Variants in POC1B observed in about 807,000 individuals in gnomAD.
The protein encoded by POC1B is POC1 centriolar protein B, also known as POC1 centriolar protein homolog B.
POC1B carries 44 observed loss-of-function variants against 60.6 expected under a neutral mutation model. That is an observed-to-expected ratio of 0.73 (90% confidence interval 0.57 to 0.93). The LOEUF (loss-of-function observed/expected upper bound fraction) is 0.93. Among genes scored for constraint, POC1B ranks in the 40% least tolerant of loss-of-function variants. The probability of loss-of-function intolerance (pLI) is 0.00; values close to 1 mark genes in which losing one functional copy is unlikely to be tolerated. For synonymous variants in POC1B, 180 were observed against 198.9 expected (o/e 0.90, Z 0.80); for missense variants, 555 against 572.3 (o/e 0.97, Z 0.31).
intron 2 of POC1B, among the ~76,000 whole-genome samples, chr12:89,512,962 G>A (rs1870258595): frequency 6.6e-6 from 1 of 152,124 alleles, no homozygotes; most frequent in African/African-American, 2.4e-5. Context: ...GGGAATTTAT[G>A]AATTATCTTC....
chr12:89,447,518 A>C (rs917281254), intron 10 of POC1B, among the ~76,000 whole-genome samples: 1 of 152,138 alleles, frequency 6.6e-6, no homozygotes, highest in Non-Finnish European at 1.5e-5. Context: ...TTCAAATTTC[A>C]ACTGATTTTC....
intron 2 of POC1B, among the ~76,000 whole-genome samples, chr12:89,509,420 G>T (rs911175843): frequency 2.6e-5 from 4 of 152,066 alleles, no homozygotes; most frequent in African/African-American, 9.7e-5. Context: ...CTCCAGCCCT[G>T]AAATGGGCCT....
intron 9 of POC1B, among the ~76,000 whole-genome samples, chr12:89,466,031 A>T (rs1882671246): frequency 6.6e-6 from 1 of 152,212 alleles, no homozygotes; most frequent in African/African-American, 2.4e-5. Context: ...CATCTCAAGA[A>T]CTCAAAATAC....
chr12:89,473,396 T>A (rs1882978904), intron 4 of POC1B, among the ~76,000 whole-genome samples: 1 of 151,982 alleles, frequency 6.6e-6, no homozygotes, highest in Non-Finnish European at 1.5e-5. Context: ...GAAGTCTGGG[T>A]GCAGTGGCTC....
At chr12:89,524,686 C>G (rs909389988) in intron 2 of POC1B, 3 of 936,606 alleles carry the variant, frequency 3.2e-6, no homozygotes, top group Non-Finnish European at 4.8e-6. Context: ...CCTTTCCAGC[C>G]ACCCAGGCTT....
chr12:89,422,059 T>C (rs776764212), intron 11 of POC1B, among the ~76,000 whole-genome samples: 3 of 152,080 alleles, frequency 2.0e-5, no homozygotes, highest in Non-Finnish European at 4.4e-5. Flanking sequence ...TTAAAAAAAC[T>C]TATTATAAAA....
In POC1B at chr12:89,491,400, G is replaced by C. The variant is rs144351405; in HGVS notation, c.452+536C>G. On this transcript the variant is annotated intron_variant, in intron 4 of 11. Coordinates refer to ENST00000313546, the MANE Select transcript of POC1B (RefSeq NM_172240.3). ...GCACTTTGGGAGGCCAAGGCAGGTGGATCACTTGAGCTGAGGAGTTTGAGA... is the reference window on the plus strand; with the variant it reads ...GCACTTTGGGAGGCCAAGGCAGGTGCATCACTTGAGCTGAGGAGTTTGAGA... Among the ~76,000 whole-genome samples, 486 of 152,102 alleles carry C rather than the reference G, an allele frequency of 3.2e-3. 3 individuals carry two copies. Among genetic ancestry groups the C allele is most frequent in the African/African-American group, 0.011 (475 of 41,508 alleles).
chr12:89,449,418 A>G (rs780517688), intron 10 of POC1B, among the ~76,000 whole-genome samples: 3 of 152,258 alleles, frequency 2.0e-5, no homozygotes, highest in Non-Finnish European at 4.4e-5. Flanking sequence ...AATTAGTTAC[A>G]TTTAACCATT....
At chr12:89,511,137 G>GACTGGCCAGGTGCAGTGGCTC (rs1870165422) in intron 2 of POC1B, among the ~76,000 whole-genome samples, 2 of 151,892 alleles carry the variant, frequency 1.3e-5, no homozygotes. Context: ...AAATAATCCT[G>GACTGGCCAGGTGCAGTGGCTC]ACTGGCCAGG....
intron 2 of POC1B, among the ~76,000 whole-genome samples, chr12:89,508,407 T>C (rs1353997695): frequency 1.3e-5 from 2 of 152,234 alleles, no homozygotes; most frequent in Non-Finnish European, 2.9e-5. Context: ...CTTGTTATTT[T>C]GGTAGCATGT....
At chr12:89,407,847 TGC>T in the POC1B span, among the ~76,000 whole-genome samples, 1 of 152,216 alleles carries the variant, frequency 6.6e-6, no homozygotes, top group Non-Finnish European at 1.5e-5. Flanking sequence ...GGGATACATG[TGC>T]AGAACGTGCA....
At chr12:89,439,023 C>G (rs1047189525) in intron 10 of POC1B, among the ~76,000 whole-genome samples, 1 of 152,184 alleles carries the variant, frequency 6.6e-6, no homozygotes, top group African/African-American at 2.4e-5. Context: ...TCTTTGCTAA[C>G]CCACTTCTTA....
chr12:89,520,915 G>A (rs1400750325), intron 2 of POC1B: 2 of 151,918 alleles, frequency 1.3e-5, no homozygotes, highest in Admixed American at 6.6e-5. Flanking sequence ...TAAAAAAAGC[G>A]TTTACTTCCC....
chr12:89,454,764 AT>A lies in POC1B; in HGVS notation c.1113+4873del, dbSNP rs549806031. Among the ~76,000 whole-genome samples the A allele has an allele frequency of 2.9e-3, 434 of 152,138 alleles. 2 individuals carry two copies. The highest frequency in any genetic ancestry group is 4.6e-3 in the Non-Finnish European group (316 of 67,970). Reference sequence around the variant, plus strand: ...GCATTCCCTGTACTATATACAGTTTATTTTTTAGATCTGTGAATTGCCTCTC... The same window carrying A: ...GCATTCCCTGTACTATATACAGTTTATTTTTAGATCTGTGAATTGCCTCTC... On this transcript the variant is annotated intron_variant, in intron 10 of 11. Transcript: ENST00000313546.
At chr12:89,487,695 A>G (rs1179460812) in intron 4 of POC1B, among the ~76,000 whole-genome samples, 1 of 152,106 alleles carries the variant, frequency 6.6e-6, no homozygotes, top group Admixed American at 6.5e-5. Context: ...GGAGCACACT[A>G]TGTACCTGCA....
At chr12:89,436,159 G>A (rs1881255954) in intron 10 of POC1B, among the ~76,000 whole-genome samples, 1 of 151,672 alleles carries the variant, frequency 6.6e-6, no homozygotes, top group Non-Finnish European at 1.5e-5. Context: ...TGGCCAGGAT[G>A]GTCTTGATCT....
At position 89,525,917 on chromosome 12, in the gene POC1B, G is replaced by A; in HGVS notation, c.-22C>T. ...CCATCGGGGGAGTGGTCGGCCCAAG[G>A]CTCCTGTGGGTGGGGGAACCCGGAG... On this transcript the variant is annotated 5_prime_UTR_variant, in exon 1 of 12. Coordinates refer to ENST00000313546, the MANE Select transcript of POC1B (RefSeq NM_172240.3). 1 of 1,518,626 alleles carries A rather than the reference G, an allele frequency of 6.6e-7. No homozygotes were observed. The highest frequency in any genetic ancestry group is 8.9e-7 in the Non-Finnish European group (1 of 1,129,242). 94.1% of individuals were successfully genotyped at this position (1,518,626 alleles called of 1,614,324 possible). A position where few individuals can be genotyped will look rare whatever the true frequency, so the allele number is the denominator to read the frequency against.
At chr12:89,438,029 C>A (rs1345193623) in intron 10 of POC1B, among the ~76,000 whole-genome samples, 3 of 143,380 alleles carry the variant, frequency 2.1e-5, no homozygotes, top group Admixed American at 7.1e-5. Context: ...CCAGCCTGGG[C>A]GACAGAGTGA....
At chr12:89,441,215 A>G (rs1881500502) in intron 10 of POC1B, among the ~76,000 whole-genome samples, 1 of 152,268 alleles carries the variant, frequency 6.6e-6, no homozygotes, top group South Asian at 2.1e-4. Context: ...AAAAGGCAGC[A>G]GAAACTTCTG....
Sources: gnomAD v4.1 joint callset for allele counts (sites outside exome capture counted in the v4.1 genomes callset) on GRCh38, gnomAD v4.1.1 for gene constraint, MANE v1.5 for transcripts, NCBI Gene and HGNC (gene_info 2026-07-23, HGNC 2026-07-21) for gene names.